Variants in EPHA6 observed in about 807,000 individuals in gnomAD.
EPHA6 encodes the protein ephrin type-A receptor 6.
A neutral mutation model predicts 112.0 loss-of-function variants in EPHA6; 50 were observed. That is an observed-to-expected ratio of 0.45 (90% CI 0.36 to 0.56). EPHA6 has a LOEUF of 0.56. Among genes scored for constraint, EPHA6 ranks in the 20% least tolerant of loss-of-function variants. The probability of loss-of-function intolerance (pLI) is 0.00; values close to 1 mark genes in which losing one functional copy is unlikely to be tolerated. For missense variants in EPHA6, 1,280 were observed against 1,417.4 expected (o/e 0.90, Z 1.56); for synonymous variants, 529 against 490.7 (o/e 1.08, Z -1.03).
At chr3:97,434,125 T>C (rs961968402) in intron 6 of EPHA6, among the ~76,000 whole-genome samples, 1 of 152,148 alleles carries the variant, frequency 6.6e-6, no homozygotes, top group Non-Finnish European at 1.5e-5. Context: ...AAATCTAACA[T>C]AGGTAATATG....
intron 3 of EPHA6, among the ~76,000 whole-genome samples, chr3:97,187,076 A>T (rs980676006): frequency 6.6e-6 from 1 of 152,130 alleles, no homozygotes; most frequent in African/African-American, 2.4e-5. Context: ...ATAAGAAATG[A>T]CCCGAAATCT....
At chr3:97,737,646 T>C (rs1317587655) in intron 16 of EPHA6, among the ~76,000 whole-genome samples, 1 of 151,988 alleles carries the variant, frequency 6.6e-6, no homozygotes. Context: ...CATTTGAACA[T>C]GCTGAGTTGC....
At chr3:97,579,050 T>G (rs2093414179) in intron 11 of EPHA6, among the ~76,000 whole-genome samples, 1 of 152,226 alleles carries the variant, frequency 6.6e-6, no homozygotes, top group Non-Finnish European at 1.5e-5. Flanking sequence ...GTATTTATGT[T>G]TGCCAGCAAT....
At chr3:97,213,757 T>C (rs1331209230) in intron 3 of EPHA6, among the ~76,000 whole-genome samples, 1 of 152,194 alleles carries the variant, frequency 6.6e-6, no homozygotes, top group Admixed American at 6.5e-5. Flanking sequence ...GATTTTACAG[T>C]TAAGCGGGAG....
rs373539245 is a variant in EPHA6 at position 96,975,696 on chromosome 3, A to C, written c.451-11634A>C. Reference sequence around the variant, plus strand: ...GCTTAACCAAAACTTCTCATTGAGCAGGACACTTAGTTACAAAACTTTTCC... The same window carrying C: ...GCTTAACCAAAACTTCTCATTGAGCCGGACACTTAGTTACAAAACTTTTCC... On this transcript the variant is annotated intron_variant, in intron 2 of 17. Coordinates refer to ENST00000389672, the MANE Select transcript of EPHA6 (RefSeq NM_001080448.3). Among the ~76,000 whole-genome samples, 4 of 152,200 alleles carry C rather than the reference A, an allele frequency of 2.6e-5. No homozygotes were observed. The East Asian group carries it at 7.7e-4, about 29-fold the overall frequency.
rs1428138742 is a variant in EPHA6 at position 97,755,327 on chromosome 3, G to C, written c.*6626G>C. Among the ~76,000 whole-genome samples the C allele has an allele frequency of 6.6e-6, 1 of 152,142 alleles. No homozygotes were observed. The highest frequency in any genetic ancestry group is 2.4e-5 in the African/African-American group (1 of 41,444). ...GGAGTTGTAAACTAGAAAAGTATCA[G>C]AATTAGTGAAAATCTTCCCTTAAGT... On this transcript the variant is annotated 3_prime_UTR_variant, in exon 18 of 18. Transcript: ENST00000389672.
chr3:97,124,381 T>G (rs1476536277), intron 3 of EPHA6, among the ~76,000 whole-genome samples: 2 of 151,846 alleles, frequency 1.3e-5, no homozygotes, highest in African/African-American at 2.4e-5. Flanking sequence ...GATTTTGCAT[T>G]TTTAAATATA....
At chr3:97,069,565 C>G (rs558129897) in intron 3 of EPHA6, among the ~76,000 whole-genome samples, 9 of 152,218 alleles carry the variant, frequency 5.9e-5, no homozygotes, top group Admixed American at 1.3e-4. Context: ...AATTTTACAA[C>G]CTTGCTTAGG....
At chr3:97,336,257 C>A (rs2083052019) in intron 5 of EPHA6, among the ~76,000 whole-genome samples, 1 of 152,126 alleles carries the variant, frequency 6.6e-6, no homozygotes, top group Admixed American at 6.6e-5. Context: ...AAGTTCCTCC[C>A]AAAGTTAGTT....
chr3:97,463,085 CA>C (rs944129458), intron 7 of EPHA6, among the ~76,000 whole-genome samples: 6 of 151,862 alleles, frequency 4.0e-5, no homozygotes, highest in African/African-American at 1.4e-4. Context: ...ATGTTTTAAA[CA>C]AAAAAAGATG....
In EPHA6 at chr3:97,446,261, G is replaced by C. The variant is rs74934925; in HGVS notation, c.1732-2307G>C. On this transcript the variant is annotated intron_variant, in intron 6 of 17. Coordinates refer to ENST00000389672, the MANE Select transcript of EPHA6 (RefSeq NM_001080448.3). The stretch of plus-strand genomic sequence containing the variant: ...TCATCATGTCAGCAAGCTGTAAGAC[G>C]TAAGACAAGGCAGCAGCACTCACCG... Among the ~76,000 whole-genome samples, 1,249 of 152,212 alleles carry C rather than the reference G, an allele frequency of 8.2e-3. 21 individuals are homozygous for C. The highest frequency in any genetic ancestry group is 0.028 in the African/African-American group (1,161 of 41,542).
At chr3:97,621,519 C>T (rs889225773) in intron 13 of EPHA6, among the ~76,000 whole-genome samples, 1 of 151,798 alleles carries the variant, frequency 6.6e-6, no homozygotes, top group African/African-American at 2.4e-5. Flanking sequence ...TAAAGTTGAA[C>T]ATCTGGGTCT....
At chr3:97,723,698 T>TG (rs903517288) in intron 15 of EPHA6, among the ~76,000 whole-genome samples, 18 of 146,120 alleles carry the variant, frequency 1.2e-4, no homozygotes, top group African/African-American at 3.7e-4. Flanking sequence ...GATGGAGGCC[T>TG]GGGGGGTGAA....
intron 6 of EPHA6, among the ~76,000 whole-genome samples, chr3:97,432,077 G>A (rs1215360018): frequency 6.6e-6 from 1 of 152,064 alleles, no homozygotes; most frequent in Non-Finnish European, 1.5e-5. Flanking sequence ...GATACCTCAA[G>A]ACGTTGATGT....
At chr3:97,523,972 CTA>C (rs2092582371) in intron 10 of EPHA6, among the ~76,000 whole-genome samples, 1 of 151,908 alleles carries the variant, frequency 6.6e-6, no homozygotes, top group Non-Finnish European at 1.5e-5. Flanking sequence ...TGCTGTTAGT[CTA>C]TGTGTGTCCC....
At chr3:97,721,731 A>G (rs2107798947) in intron 15 of EPHA6, among the ~76,000 whole-genome samples, 1 of 152,310 alleles carries the variant, frequency 6.6e-6, no homozygotes, top group East Asian at 1.9e-4. Flanking sequence ...TCTGCTATTC[A>G]TCAGGGAATC....
At chr3:97,129,695 C>A (rs570297251) in intron 3 of EPHA6, among the ~76,000 whole-genome samples, 2 of 152,158 alleles carry the variant, frequency 1.3e-5, no homozygotes, top group South Asian at 2.1e-4. Flanking sequence ...AGAGACTGGG[C>A]TCAAGTCTGT....
chr3:96,888,285 CGCTCG>C (rs576469057), intron 2 of EPHA6, among the ~76,000 whole-genome samples: 590 of 152,266 alleles, frequency 3.9e-3, no homozygotes, highest in South Asian at 0.011. Flanking sequence ...CACTGTATTT[CGCTCG>C]GCTCTCCAAA....
chr3:96,878,279 G>C, intron 2 of EPHA6, among the ~76,000 whole-genome samples: 1 of 151,822 alleles, frequency 6.6e-6, no homozygotes, highest in East Asian at 1.9e-4. Context: ...CACATTAGAA[G>C]ACATGAATGG....
Sources: allele counts gnomAD v4.1 joint callset (sites outside exome capture counted in the v4.1 genomes callset), GRCh38; gene constraint gnomAD v4.1.1; transcripts MANE v1.5; gene names NCBI Gene and HGNC (gene_info 2026-07-23, HGNC 2026-07-21).